Variants in PTPRN2 observed in about 807,000 individuals in gnomAD.
PTPRN2 encodes protein tyrosine phosphatase receptor type N2.
In PTPRN2, 74 loss-of-function variants were observed where a neutral mutation model predicts 118.8. The observed-to-expected ratio is 0.62, with a 90% CI of 0.52 to 0.76. The LOEUF (loss-of-function observed/expected upper bound fraction) is 0.76. PTPRN2 is among the 30% of genes least tolerant of loss of function. The pLI is 0.00. For synonymous variants in PTPRN2, 641 were observed against 608.0 expected (o/e 1.05, Z -0.80); for missense variants, 1,481 against 1,394.4 (o/e 1.06, Z -0.99).
chr7:158,401,785 G>A (rs1339330484), intron 2 of PTPRN2, among the ~76,000 whole-genome samples: 15 of 152,234 alleles, frequency 9.9e-5, no homozygotes, highest in Non-Finnish European at 1.5e-5. Context: ...TAAGGGAGAA[G>A]CTGGGAAGAC....
intron 1 of PTPRN2, among the ~76,000 whole-genome samples, chr7:158,579,085 G>T (rs543208676): frequency 6.6e-6 from 1 of 152,102 alleles, no homozygotes; most frequent in East Asian, 1.9e-4. Flanking sequence ...TTTTATTCAA[G>T]GGCTTTACAG....
At chr7:157,852,609 G>T (rs879062658) in intron 12 of PTPRN2, among the ~76,000 whole-genome samples, 42 of 152,210 alleles carry the variant, frequency 2.8e-4, no homozygotes, top group Admixed American at 1.8e-3. Flanking sequence ...GGTGGCTCAC[G>T]CCTGTAATCC....
At chr7:158,036,124 T>A (rs1359236288) in intron 11 of PTPRN2, among the ~76,000 whole-genome samples, 1 of 151,894 alleles carries the variant, frequency 6.6e-6, no homozygotes, top group Admixed American at 6.6e-5. Context: ...GCAAAATAAA[T>A]AACACTAGAA....
chr7:158,359,185 C>T (rs1267041135), intron 2 of PTPRN2, among the ~76,000 whole-genome samples: 1 of 152,230 alleles, frequency 6.6e-6, no homozygotes, highest in African/African-American at 2.4e-5. Flanking sequence ...GATTCACGCA[C>T]AGGTGGGAAG....
intron 11 of PTPRN2, among the ~76,000 whole-genome samples, chr7:158,071,813 CGT>C (rs1563393668): frequency 3.5e-5 from 3 of 84,728 alleles, no homozygotes; most frequent in African/African-American, 1.8e-4. Flanking sequence ...TGGAGGTGCT[CGT>C]CGTATGGAGG....
chr7:157,982,142 C>CTCTAAACCCCGAGT (rs1563295767), intron 11 of PTPRN2, among the ~76,000 whole-genome samples: 7 of 133,434 alleles, frequency 5.2e-5, no homozygotes, highest in Admixed American at 7.6e-5. Flanking sequence ...GCAGCGTCCC[C>CTCTAAACCCCGAGT]CATAAACCCC....
chr7:158,341,633 A>G (rs370490911), intron 2 of PTPRN2, among the ~76,000 whole-genome samples: 1,704 of 21,114 alleles, frequency 0.081, 462 homozygotes, highest in Middle Eastern at 0.25. Context: ...CATAAGAGGT[A>G]ACACATGCAG....
At chr7:157,969,551 T>A (rs982195914) in intron 11 of PTPRN2, among the ~76,000 whole-genome samples, 1 of 152,144 alleles carries the variant, frequency 6.6e-6, no homozygotes, top group South Asian at 2.1e-4. Context: ...CTGGGTTTCA[T>A]CAGAACCTCC....
intron 12 of PTPRN2, among the ~76,000 whole-genome samples, chr7:157,766,036 C>T (rs527321692): frequency 1.3e-5 from 2 of 150,892 alleles, no homozygotes; most frequent in Non-Finnish European, 3.0e-5. Context: ...TCCATCCAAC[C>T]AACCATTCAT....
chr7:157,723,052 G>A (rs1162282590), intron 12 of PTPRN2, among the ~76,000 whole-genome samples: 3 of 152,224 alleles, frequency 2.0e-5, no homozygotes, highest in African/African-American at 7.2e-5. Context: ...TGGTCTCCTA[G>A]CTATTTTTAA....
chr7:158,473,312 T>C (rs1032966554), intron 2 of PTPRN2, among the ~76,000 whole-genome samples: 6 of 152,140 alleles, frequency 3.9e-5, no homozygotes, highest in African/African-American at 7.2e-5. Flanking sequence ...GCTGTAAACA[T>C]ATGTGAGAAC....
At chr7:158,507,035 G>A (rs1185860890) in intron 1 of PTPRN2, among the ~76,000 whole-genome samples, 1 of 152,232 alleles carries the variant, frequency 6.6e-6, no homozygotes, top group Non-Finnish European at 1.5e-5. Flanking sequence ...AACATCAGGA[G>A]GTTACTGGGG....
At chr7:158,579,061 C>CCTTTTATT (rs1194128107) in intron 1 of PTPRN2, among the ~76,000 whole-genome samples, 1 of 152,210 alleles carries the variant, frequency 6.6e-6, no homozygotes, top group Non-Finnish European at 1.5e-5. Context: ...CTGCGCCTGG[C>CCTTTTATT]CAAGTCCCAC....
chr7:158,577,899 T>C (rs750581541), intron 1 of PTPRN2, among the ~76,000 whole-genome samples: 5 of 152,160 alleles, frequency 3.3e-5, no homozygotes, highest in Non-Finnish European at 5.9e-5. Context: ...GACCCTGCAC[T>C]GCCCGGCCAC....
At chr7:158,172,985 C>T (rs966605294) in intron 5 of PTPRN2, among the ~76,000 whole-genome samples, 3 of 149,658 alleles carry the variant, frequency 2.0e-5, no homozygotes, top group Non-Finnish European at 3.0e-5. Context: ...ACCCCATCAT[C>T]GACAGCAGCA....
intron 22 of PTPRN2, among the ~76,000 whole-genome samples, chr7:157,548,171 G>A (rs903866114): frequency 2.0e-5 from 3 of 152,104 alleles, no homozygotes; most frequent in African/African-American, 7.2e-5. Flanking sequence ...AGCTGAGATC[G>A]TGCCACTGCA....
intron 11 of PTPRN2, among the ~76,000 whole-genome samples, chr7:158,016,033 A>T (rs1253670425): frequency 2.0e-5 from 3 of 152,172 alleles, no homozygotes. Context: ...CGCACAGTGC[A>T]TGGCCTGACA....
At chr7:158,447,121 C>T (rs1817777490) in intron 2 of PTPRN2, among the ~76,000 whole-genome samples, 1 of 152,132 alleles carries the variant, frequency 6.6e-6, no homozygotes, top group African/African-American at 2.4e-5. Flanking sequence ...TGCTCTGAAA[C>T]ACTGAAACAT....
intron 9 of PTPRN2, among the ~76,000 whole-genome samples, chr7:158,126,981 G>A (rs1019474224): frequency 9.9e-5 from 15 of 152,194 alleles, no homozygotes; most frequent in South Asian, 6.2e-4. Flanking sequence ...ACGGTGGCCC[G>A]GTACCATCTG....
Sources: allele counts gnomAD v4.1 joint callset (sites outside exome capture counted in the v4.1 genomes callset), GRCh38; gene constraint gnomAD v4.1.1; transcripts MANE v1.5; gene names NCBI Gene and HGNC (gene_info 2026-07-23, HGNC 2026-07-21).